Variants in MFHAS1 observed in about 807,000 individuals in gnomAD.
MFHAS1 encodes multifunctional ROCO family signaling regulator 1.
Under a neutral mutation model 70.4 loss-of-function variants are expected in MFHAS1, and 50 were observed. That is an observed-to-expected ratio of 0.71 (90% CI 0.57 to 0.90). MFHAS1 has a LOEUF of 0.90. Among genes scored for constraint, MFHAS1 ranks in the 40% least tolerant of loss-of-function variants. The pLI, the probability that MFHAS1 is intolerant of heterozygous loss-of-function variation, is 0.00. For synonymous variants in MFHAS1, 952 were observed against 620.0 expected (o/e 1.54, Z -7.96); for missense variants, 1,795 against 1,347.6 (o/e 1.33, Z -5.20).
At chr8:8,879,647 C>A (rs1231435751) in intron 1 of MFHAS1, among the ~76,000 whole-genome samples, 1 of 152,086 alleles carries the variant, frequency 6.6e-6, no homozygotes, top group African/African-American at 2.4e-5. Context: ...GCCAGGGTTC[C>A]CCCCAAAGTA....
intron 1 of MFHAS1, among the ~76,000 whole-genome samples, chr8:8,810,358 C>T (rs1012802990): frequency 1.3e-5 from 2 of 152,098 alleles, no homozygotes; most frequent in Admixed American, 6.6e-5. Context: ...AAAGCAAGAC[C>T]GTCTTGGGAA....
rs565483340 is a variant in MFHAS1 at position 8,887,258 on chromosome 8, T to C, written c.2998+2803A>G. ...AATCTATTTTTAATGTATGCTCTAC[T>C]TAAACACTCAACATAATTCTGTTCC... On this transcript the variant is annotated intron_variant, in intron 1 of 2. Coordinates refer to ENST00000276282, the MANE Select transcript of MFHAS1 (RefSeq NM_004225.3). Among the ~76,000 whole-genome samples the C allele has an allele frequency of 2.4e-4, 37 of 152,330 alleles. 1 individual carries two copies. Among genetic ancestry groups the C allele is most frequent in the Middle Eastern group, 3.4e-3 (1 of 294 alleles).
At chr8:8,841,453 T>C (rs116153642) in intron 1 of MFHAS1, among the ~76,000 whole-genome samples, 4,203 of 148,758 alleles carry the variant, frequency 0.028, 184 homozygotes, top group African/African-American at 0.098. Flanking sequence ...GGGCGACAGA[T>C]CAAGACTTCG....
At chr8:8,885,296 CCTT>C (rs35493619) in intron 1 of MFHAS1, among the ~76,000 whole-genome samples, 26,602 of 152,028 alleles carry the variant, frequency 0.17, 2,563 homozygotes, top group African/African-American at 0.25. Flanking sequence ...GTTGCTTTCT[CCTT>C]ATTTTTTAAA....
chr8:8,799,718 T>C (rs1272422914), intron 1 of MFHAS1, among the ~76,000 whole-genome samples: 1 of 152,210 alleles, frequency 6.6e-6, no homozygotes, highest in Non-Finnish European at 1.5e-5. Flanking sequence ...ATCAGGCCAC[T>C]GCACTCCAAC....
intron 1 of MFHAS1, among the ~76,000 whole-genome samples, chr8:8,860,217 C>A (rs1808610094): frequency 6.6e-6 from 1 of 152,192 alleles, no homozygotes; most frequent in African/African-American, 2.4e-5. Context: ...GGAAACCCAT[C>A]CCACTCACAC....
intron 1 of MFHAS1, among the ~76,000 whole-genome samples, chr8:8,815,980 G>C (rs562416602): frequency 3.7e-4 from 56 of 152,330 alleles, no homozygotes; most frequent in African/African-American, 1.3e-3. Context: ...GGAAGGAAAA[G>C]GAATGAGCCA....
At chr8:8,818,065 A>G (rs1422222579) in intron 1 of MFHAS1, among the ~76,000 whole-genome samples, 1 of 152,078 alleles carries the variant, frequency 6.6e-6, no homozygotes, top group East Asian at 1.9e-4. Flanking sequence ...ACACCAAGAA[A>G]TCATGGCCAC....
intron 1 of MFHAS1, among the ~76,000 whole-genome samples, chr8:8,843,875 T>C (rs1057016930): frequency 6.6e-6 from 1 of 152,196 alleles, no homozygotes; most frequent in Non-Finnish European, 1.5e-5. Context: ...ATTAATTACC[T>C]CTGTTTTATC....
intron 1 of MFHAS1, among the ~76,000 whole-genome samples, chr8:8,851,488 G>A (rs530284904): frequency 4.6e-5 from 7 of 152,268 alleles, no homozygotes; most frequent in South Asian, 2.1e-4. Flanking sequence ...CAAACTCTAC[G>A]TGTGGAGTTG....
intron 1 of MFHAS1, among the ~76,000 whole-genome samples, chr8:8,828,083 T>C (rs1342575689): frequency 1.3e-5 from 2 of 152,158 alleles, no homozygotes; most frequent in Non-Finnish European, 1.5e-5. Context: ...GGAGGCACAG[T>C]GTGAAGCAGC....
intron 1 of MFHAS1, among the ~76,000 whole-genome samples, chr8:8,838,836 C>T (rs28481744): frequency 0.11 from 16,882 of 151,108 alleles, 1,019 homozygotes; most frequent in Middle Eastern, 0.15. Flanking sequence ...AATCCACGTA[C>T]CTTCAAGCTT....
intron 1 of MFHAS1, among the ~76,000 whole-genome samples, chr8:8,866,651 T>A (rs1303124368): frequency 6.6e-6 from 1 of 152,118 alleles, no homozygotes; most frequent in Non-Finnish European, 1.5e-5. Context: ...GTAAAAAGGA[T>A]CCGTGATACA....
intron 1 of MFHAS1, among the ~76,000 whole-genome samples, chr8:8,834,855 A>C (rs1807539810): frequency 6.6e-6 from 1 of 152,244 alleles, no homozygotes; most frequent in African/African-American, 2.4e-5. Flanking sequence ...GTGAACTCAC[A>C]GACATGCCAC....
intron 1 of MFHAS1, among the ~76,000 whole-genome samples, chr8:8,867,427 C>T (rs1012431043): frequency 6.6e-6 from 1 of 151,986 alleles, no homozygotes; most frequent in African/African-American, 2.4e-5. Context: ...CTATAGGTGT[C>T]GCACAGAAAA....
intron 1 of MFHAS1, among the ~76,000 whole-genome samples, chr8:8,800,966 A>C (rs1426583305): frequency 6.6e-6 from 1 of 152,132 alleles, no homozygotes; most frequent in Non-Finnish European, 1.5e-5. Context: ...CTGTAATCCC[A>C]GCACTCTGGG....
At chr8:8,817,497 G>A (rs989722095) in intron 1 of MFHAS1, among the ~76,000 whole-genome samples, 1 of 152,168 alleles carries the variant, frequency 6.6e-6, no homozygotes, top group Non-Finnish European at 1.5e-5. Flanking sequence ...CACCTAAGAG[G>A]CCACCTATTG....
At chr8:8,888,231 A>G (rs7013902) in intron 1 of MFHAS1, among the ~76,000 whole-genome samples, 26,541 of 152,210 alleles carry the variant, frequency 0.17, 2,915 homozygotes, top group African/African-American at 0.31. Flanking sequence ...TTCATGCTTA[A>G]GAATTAAATT....
At chr8:8,848,775 G>C (rs796445711) in intron 1 of MFHAS1, among the ~76,000 whole-genome samples, 1 of 152,086 alleles carries the variant, frequency 6.6e-6, no homozygotes, top group Admixed American at 6.5e-5. Context: ...GCAAGCAGTC[G>C]GCCCACAGGC....
Sources: allele counts gnomAD v4.1 joint callset (sites outside exome capture counted in the v4.1 genomes callset), GRCh38; gene constraint gnomAD v4.1.1; transcripts MANE v1.5; gene names NCBI Gene and HGNC (gene_info 2026-07-23, HGNC 2026-07-21).